The following SEMA6D variants were observed in gnomAD, a reference collection of about 807,000 sequenced individuals.
The protein encoded by SEMA6D is semaphorin 6D, also known as semaphorin-6D.
In SEMA6D, 35 loss-of-function variants were observed where a neutral mutation model predicts 106.6. The ratio of observed to expected loss-of-function variants is 0.33; its 90% CI spans 0.25 to 0.44. The LOEUF is 0.44. SEMA6D is among the 20% of genes least tolerant of loss of function. The pLI is 1.00. For missense variants in SEMA6D, 1,185 were observed against 1,345.9 expected, an observed-to-expected ratio of 0.88 and a Z score of 1.87; for synonymous variants, 499 against 487.7, an observed-to-expected ratio of 1.02 and a Z score of -0.31.
chr15:47,516,181 G>A (rs551289782), intron 3 of SEMA6D, among the ~76,000 whole-genome samples: 31 of 152,150 alleles, frequency 2.0e-4, no homozygotes, highest in South Asian at 6.2e-4. Context: ...CTGGAGTGCC[G>A]GATTAATTTT....
chr15:47,665,547 C>T lies in SEMA6D; in HGVS notation c.-55+64651C>T, dbSNP rs182044232. 5.3e-5 allele frequency among the ~76,000 whole-genome samples: 8 copies of T among 152,302 alleles called. No individual in the cohort carries two copies. The East Asian group carries it at 1.5e-3, about 29-fold the overall frequency. On this transcript the variant is annotated intron_variant, in intron 4 of 19. Coordinates refer to the SEMA6D transcript ENST00000558014. ...ATATTTATCCAGGCATGGTGGCTCACACCTGTAATCCCAGCACTTTGGGAG... is the reference window on the plus strand; with the variant it reads ...ATATTTATCCAGGCATGGTGGCTCATACCTGTAATCCCAGCACTTTGGGAG...
chr15:47,428,914 G>C (rs1324505180), intron 2 of SEMA6D, among the ~76,000 whole-genome samples: 1 of 151,562 alleles, frequency 6.6e-6, no homozygotes, highest in African/African-American at 2.4e-5. Flanking sequence ...GAAGTGGAAA[G>C]AAGGAAGGGA....
At chr15:47,526,771 C>T (rs1198022842) in intron 3 of SEMA6D, among the ~76,000 whole-genome samples, 1 of 152,006 alleles carries the variant, frequency 6.6e-6, no homozygotes, top group East Asian at 1.9e-4. Context: ...GAGTCTCGCA[C>T]TGTCACCTAG....
chr15:47,310,861 G>C (rs12916429), intron 1 of SEMA6D, among the ~76,000 whole-genome samples: 66,026 of 151,974 alleles, frequency 0.43, 16,672 homozygotes, highest in Non-Finnish European at 0.56. Context: ...TAGTTCCTTC[G>C]TTGTGCCGTT....
At chr15:47,306,247 T>C (rs934584022) in intron 1 of SEMA6D, among the ~76,000 whole-genome samples, 1 of 152,078 alleles carries the variant, frequency 6.6e-6, no homozygotes, top group Non-Finnish European at 1.5e-5. Flanking sequence ...CCTCCCAAAT[T>C]GCTGGGATTA....
At chr15:47,381,023 T>C (rs981534891) in intron 1 of SEMA6D, among the ~76,000 whole-genome samples, 1 of 152,308 alleles carries the variant, frequency 6.6e-6, no homozygotes, top group East Asian at 1.9e-4. Flanking sequence ...AAAAACATCT[T>C]TGTGGCCAGA....
At chr15:47,313,237 T>G (rs1169484329) in intron 1 of SEMA6D, among the ~76,000 whole-genome samples, 1 of 152,208 alleles carries the variant, frequency 6.6e-6, no homozygotes, top group East Asian at 1.9e-4. Flanking sequence ...ACAGGGTATT[T>G]TCATTGCCCT....
chr15:47,683,501 C>T (rs1198327738), intron 4 of SEMA6D, among the ~76,000 whole-genome samples: 1 of 152,086 alleles, frequency 6.6e-6, no homozygotes, highest in Non-Finnish European at 1.5e-5. Context: ...ATCTCAACAT[C>T]CTTAAATTTG....
intron 9 of SEMA6D, 83 bp from the exon 10 acceptor site, chr15:47,763,767 G>C: frequency 8.5e-7 from 1 of 1,182,692 alleles, no homozygotes; most frequent in South Asian, 1.3e-5. Flanking sequence ...AGTATTTTTT[G>C]TCCCTCCCTT....
intron 3 of SEMA6D, among the ~76,000 whole-genome samples, chr15:47,489,451 G>C (rs999285688): frequency 4.6e-5 from 7 of 152,152 alleles, no homozygotes; most frequent in African/African-American, 1.7e-4. Context: ...GTCTATGGAA[G>C]TACTCACTAT....
chr15:47,745,671 A>G (rs2081087405), intron 1 of SEMA6D, among the ~76,000 whole-genome samples: 1 of 152,232 alleles, frequency 6.6e-6, no homozygotes, highest in African/African-American at 2.4e-5. Flanking sequence ...AAAAGGCTGC[A>G]GGTAATGCAC....
intron 3 of SEMA6D, among the ~76,000 whole-genome samples, chr15:47,531,459 A>G (rs2044962889): frequency 6.6e-6 from 1 of 152,242 alleles, no homozygotes; most frequent in Non-Finnish European, 1.5e-5. Context: ...CAGATATTAG[A>G]AAGTAGCTAC....
chr15:47,359,239 G>T (rs1433941236), intron 1 of SEMA6D, among the ~76,000 whole-genome samples: 1 of 152,060 alleles, frequency 6.6e-6, no homozygotes, highest in Non-Finnish European at 1.5e-5. Flanking sequence ...ATACATATGT[G>T]TATGTGTACA....
In SEMA6D at chr15:47,664,464, C is replaced by T. The variant is rs183716296; in HGVS notation, c.-55+63568C>T. On this transcript the variant is annotated intron_variant, in intron 4 of 19. Transcript: ENST00000558014. ...ATAATTATTTAGACCGGAAACCACA[C>T]TGCACTGTGAACTGAACCACTTGTC... 7.9e-5 allele frequency among the ~76,000 whole-genome samples: 12 copies of T among 152,308 alleles called. No individual in the cohort carries two copies. In the East Asian group the frequency reaches 2.3e-3, roughly 29 times the overall value.
chr15:47,269,710 A>G (rs2034473155), intron 1 of SEMA6D, among the ~76,000 whole-genome samples: 1 of 152,120 alleles, frequency 6.6e-6, no homozygotes, highest in South Asian at 2.1e-4. Context: ...GACATATGGA[A>G]ATAGATGACA....
intron 3 of SEMA6D, among the ~76,000 whole-genome samples, chr15:47,506,322 A>G (rs538915283): frequency 1.1e-3 from 161 of 152,234 alleles, no homozygotes; most frequent in African/African-American, 3.8e-3. Flanking sequence ...AAATCCATCA[A>G]GTAACGTGTC....
chr15:47,571,130 C>T (rs763083252), intron 3 of SEMA6D, among the ~76,000 whole-genome samples: 5 of 152,138 alleles, frequency 3.3e-5, no homozygotes, highest in Admixed American at 6.5e-5. Flanking sequence ...TTATCTTACA[C>T]GTTCACTGTG....
At chr15:47,652,718 G>A (rs1481267659) in intron 4 of SEMA6D, among the ~76,000 whole-genome samples, 1 of 152,182 alleles carries the variant, frequency 6.6e-6, no homozygotes, top group East Asian at 1.9e-4. Context: ...TCTAAAGAAA[G>A]CAAGGTCCAA....
chr15:47,746,984 G>GTGTGTATATATATATATATATA (rs1401767590), intron 1 of SEMA6D, among the ~76,000 whole-genome samples: 3 of 122,108 alleles, frequency 2.5e-5, no homozygotes, highest in East Asian at 2.2e-4. Flanking sequence ...GTGTGTGTGT[G>GTGTGTATATATATATATATATA]TATATATATA....
Sources: allele counts gnomAD v4.1 joint callset (sites outside exome capture counted in the v4.1 genomes callset), GRCh38; gene constraint gnomAD v4.1.1; transcripts MANE v1.5; gene names NCBI Gene and HGNC (gene_info 2026-07-23, HGNC 2026-07-21).